Variants in KCNB2 observed in about 807,000 individuals in gnomAD.
The protein encoded by KCNB2 is potassium voltage-gated channel subfamily B member 2, also known as delayed rectifier potassium channel protein.
In KCNB2, 15 loss-of-function variants were observed where a neutral mutation model predicts 61.5. The observed-to-expected ratio is 0.24, with a 90% CI of 0.16 to 0.38. The LOEUF (loss-of-function observed/expected upper bound fraction) is 0.38. Ranked by LOEUF, KCNB2 falls within the 10% of genes least tolerant of loss-of-function variation. The pLI, the probability that KCNB2 is intolerant of heterozygous loss-of-function variation, is 1.00. For synonymous variants in KCNB2, 457 were observed against 446.0 expected, an observed-to-expected ratio of 1.02 and a Z score of -0.31; for missense variants, 828 against 1,125.2, an observed-to-expected ratio of 0.74 and a Z score of 3.78.
At chr8:72,851,841 A>AAAAAAAAAAAAAAAACC (rs1554539016) in intron 2 of KCNB2, among the ~76,000 whole-genome samples, 1 of 111,388 alleles carries the variant, frequency 9.0e-6, no homozygotes, top group African/African-American at 4.6e-5. Context: ...AAAAAAAAAA[A>AAAAAAAAAAAAAAAACC]AAAAAAACAC....
intron 2 of KCNB2, among the ~76,000 whole-genome samples, chr8:72,648,369 T>G (rs1585805782): frequency 6.6e-6 from 1 of 152,312 alleles, no homozygotes; most frequent in African/African-American, 2.4e-5. Flanking sequence ...TTCACTGGCC[T>G]CATGGGATTC....
intron 2 of KCNB2, chr8:72,749,548 A>T (rs1563579213): frequency 6.6e-6 from 1 of 151,916 alleles, no homozygotes; most frequent in East Asian, 1.9e-4. Flanking sequence ...CAGCAAAGGA[A>T]CAAGAAACTA....
At position 72,713,790 on chromosome 8, in the gene KCNB2, A is replaced by G. The variant is rs568803122; in HGVS notation, c.579+145477A>G. Among the ~76,000 whole-genome samples the G allele has an allele frequency of 4.1e-4, 62 of 152,344 alleles. 1 individual carries two copies. Among genetic ancestry groups the G allele is most frequent in the African/African-American group, 1.4e-3 (59 of 41,576 alleles). On this transcript the variant is annotated intron_variant, in intron 2 of 2. Transcript: ENST00000523207. ...AAAGGAACGCAGCTCCTCACCAGCA[A>G]TGGAACAAAGCTGGATGGAGAATGA...
chr8:72,561,792 T>TAC (rs1223703636), intron 1 of KCNB2, among the ~76,000 whole-genome samples: 1 of 88,884 alleles, frequency 1.1e-5, no homozygotes, highest in African/African-American at 4.8e-5. Flanking sequence ...TATATATACA[T>TAC]ATATATATAT....
intron 2 of KCNB2, among the ~76,000 whole-genome samples, chr8:72,652,278 G>T (rs1400868737): frequency 6.6e-6 from 1 of 152,070 alleles, no homozygotes; most frequent in East Asian, 1.9e-4. Context: ...TAATGCTCAT[G>T]CTCATGCCGT....
intron 2 of KCNB2, among the ~76,000 whole-genome samples, chr8:72,844,999 C>T (rs1020380257): frequency 6.6e-6 from 1 of 152,190 alleles, no homozygotes; most frequent in Non-Finnish European, 1.5e-5. Flanking sequence ...GAGTTGTGAT[C>T]TTTTGAAGGA....
intron 2 of KCNB2, among the ~76,000 whole-genome samples, chr8:72,714,699 T>C (rs1807395286): frequency 6.6e-6 from 1 of 152,168 alleles, no homozygotes; most frequent in South Asian, 2.1e-4. Flanking sequence ...CCAGCCACTG[T>C]AAAAACATGC....
At chr8:72,573,895 A>G (rs1398194585) in intron 2 of KCNB2, among the ~76,000 whole-genome samples, 1 of 152,154 alleles carries the variant, frequency 6.6e-6, no homozygotes, top group Non-Finnish European at 1.5e-5. Flanking sequence ...GTGGTTTACC[A>G]TTTTCCTTTC....
intron 2 of KCNB2, among the ~76,000 whole-genome samples, chr8:72,921,092 T>C (rs1461504181): frequency 6.6e-6 from 1 of 152,082 alleles, no homozygotes; most frequent in African/African-American, 2.4e-5. Flanking sequence ...TTGAGAAACA[T>C]TGGGATCATG....
intron 2 of KCNB2, among the ~76,000 whole-genome samples, chr8:72,761,564 A>G (rs1331982464): frequency 1.3e-5 from 2 of 152,188 alleles, no homozygotes; most frequent in Non-Finnish European, 2.9e-5. Context: ...TTATAATGAG[A>G]GGAAAATGGA....
intron 2 of KCNB2, among the ~76,000 whole-genome samples, chr8:72,868,832 G>A (rs1248772007): frequency 2.6e-5 from 4 of 152,116 alleles, no homozygotes; most frequent in Admixed American, 2.6e-4. Flanking sequence ...GTGGGCCATA[G>A]GTGCACATCT....
chr8:72,821,864 G>A (rs1016150246), intron 2 of KCNB2, among the ~76,000 whole-genome samples: 1 of 152,032 alleles, frequency 6.6e-6, no homozygotes, highest in Admixed American at 6.5e-5. Flanking sequence ...AGAGACAAAG[G>A]GAATCTGCAA....
rs1009069173 is a variant in KCNB2 at position 72,819,576 on chromosome 8, T to C, written c.580-116359T>C. Among the ~76,000 whole-genome samples, 38 of 152,154 alleles carry C rather than the reference T, an allele frequency of 2.5e-4. 1 individual carries two copies. Among genetic ancestry groups the C allele is most frequent in the Admixed American group, 7.2e-4 (11 of 15,278 alleles). ...GGAATCAATAGGAATGTGATAATTA[T>C]AGGGAATTATAATAATATAATTCCC... On this transcript the variant is annotated intron_variant, in intron 2 of 2. Transcript: ENST00000523207.
chr8:72,827,480 C>A (rs1412218702), intron 2 of KCNB2, among the ~76,000 whole-genome samples: 2 of 152,116 alleles, frequency 1.3e-5, no homozygotes, highest in Non-Finnish European at 2.9e-5. Flanking sequence ...GAGAAAAATG[C>A]TTTAATTGCT....
chr8:72,628,465 G>C (rs1045984961), intron 2 of KCNB2, among the ~76,000 whole-genome samples: 1 of 148,364 alleles, frequency 6.7e-6, no homozygotes, highest in African/African-American at 2.5e-5. Context: ...TAAAGGGGTA[G>C]CTGATAATTA....
intron 2 of KCNB2, among the ~76,000 whole-genome samples, chr8:72,611,008 C>A (rs945676597): frequency 2.0e-5 from 3 of 152,084 alleles, no homozygotes; most frequent in African/African-American, 7.2e-5. Context: ...TATCACTGAC[C>A]TGATGAAAAT....
intron 2 of KCNB2, among the ~76,000 whole-genome samples, chr8:72,832,870 A>G (rs1809721478): frequency 6.6e-6 from 1 of 152,214 alleles, no homozygotes; most frequent in African/African-American, 2.4e-5. Flanking sequence ...CAAATCTTTT[A>G]TAAGTGAGAC....
chr8:72,927,198 C>G (rs752311048), intron 2 of KCNB2, among the ~76,000 whole-genome samples: 87 of 152,242 alleles, frequency 5.7e-4, no homozygotes, highest in Non-Finnish European at 1.1e-3. Flanking sequence ...CTCTTCATCA[C>G]TACACCGAGT....
rs1219208968 is a variant in KCNB2, at chr8:72,612,526, CA to C, written c.579+44216del. Among the ~76,000 whole-genome samples the C allele has an allele frequency of 2.0e-5, 3 of 152,126 alleles. No individual in the cohort carries two copies. In the East Asian group the frequency reaches 5.8e-4, roughly 29 times the overall value. ...TCTTTAAGTTTTCCATCTCTTTAAG[CA>C]AATTACATCATGGAAGATGCTATGG... On this transcript the variant is annotated intron_variant, in intron 2 of 2. Coordinates refer to ENST00000523207, the MANE Select transcript of KCNB2 (RefSeq NM_004770.3).
Sources: gnomAD v4.1 joint callset for allele counts (sites outside exome capture counted in the v4.1 genomes callset) on GRCh38, gnomAD v4.1.1 for gene constraint, MANE v1.5 for transcripts, NCBI Gene and HGNC (gene_info 2026-07-23, HGNC 2026-07-21) for gene names.